The following CDC42SE2 variants were observed in gnomAD, a reference collection of about 807,000 sequenced individuals.
CDC42SE2 encodes the protein CDC42 small effector protein 2.
In CDC42SE2, 3 loss-of-function variants were observed where a neutral mutation model predicts 11.5. That is an observed-to-expected ratio of 0.26 (90% confidence interval 0.12 to 0.67). The LOEUF (loss-of-function observed/expected upper bound fraction) is 0.67, where lower values mean the gene tolerates loss of function less well. Among genes scored for constraint, CDC42SE2 ranks in the 30% least tolerant of loss-of-function variants. The pLI is 0.80. For synonymous variants in CDC42SE2, 33 were observed against 34.8 expected (o/e 0.95, Z 0.18); for missense variants, 82 against 106.8 (o/e 0.77, Z 1.02).
At chr5:131,286,373 T>G (rs1757339842) in intron 1 of CDC42SE2, among the ~76,000 whole-genome samples, 1 of 146,882 alleles carries the variant, frequency 6.8e-6, no homozygotes, top group Admixed American at 6.9e-5. Flanking sequence ...CATGAGCAAA[T>G]GCACCTGGCC....
Position 131,359,531 on chromosome 5 carries a change from C to T in CDC42SE2, c.38C>T (p.Ala13Val). 3.7e-6 allele frequency: 6 copies of T among 1,612,606 alleles called. No individual in the cohort carries two copies. The highest frequency in any genetic ancestry group is 5.1e-6 in the Non-Finnish European group (6 of 1,178,682). The change falls in exon 3 of 5, where the codon GCA (alanine) becomes GTA (valine). Residue 13 changes from alanine (A) to valine (V), a missense_variant. Ala to Val is a moderately conservative substitution (Grantham distance 64, BLOSUM62 0). Coordinates refer to ENST00000505065, the MANE Select transcript of CDC42SE2 (RefSeq NM_001375635.1). ...EFWLCFNCCI[A>V]EQPQPKRRRR... ...TGGTTGTGTTTCAACTGCTGTATTG[C>T]AGAACAGCCTCAGCCTGTAAGTATG...
At chr5:131,266,530 G>T (rs1756870229) in intron 1 of CDC42SE2, among the ~76,000 whole-genome samples, 1 of 150,672 alleles carries the variant, frequency 6.6e-6, no homozygotes, top group Non-Finnish European at 1.5e-5. Context: ...TGTGATCTCG[G>T]CTTACTGCAA....
intron 4 of CDC42SE2, among the ~76,000 whole-genome samples, chr5:131,389,167 ATCT>A (rs1750577584): frequency 6.6e-6 from 1 of 152,152 alleles, no homozygotes. Context: ...GGCCTAAAAT[ATCT>A]ATAAAAGCTA....
rs967971839 is a variant in CDC42SE2, at chr5:131,297,516, G to A, written c.-454-18460G>A. On this transcript the variant is annotated intron_variant, in intron 1 of 4. Coordinates refer to ENST00000505065, the MANE Select transcript of CDC42SE2 (RefSeq NM_001375635.1). ...GGGTGGATCACGAGGTCAGGAGATC[G>A]AGACCATCCTGGCTAACATGATGAA... Among the ~76,000 whole-genome samples the A allele has an allele frequency of 7.2e-5, 11 of 151,888 alleles. 1 individual carries two copies. The highest frequency in any genetic ancestry group is 1.9e-4 in the African/African-American group (8 of 41,340).
chr5:131,347,413 T>C (rs1758875390), intron 2 of CDC42SE2, among the ~76,000 whole-genome samples: 1 of 152,102 alleles, frequency 6.6e-6, no homozygotes, highest in African/African-American at 2.4e-5. Context: ...AATGGATAAA[T>C]TACTCGACAC....
chr5:131,230,828 C>T, the CDC42SE2 span, among the ~76,000 whole-genome samples: 3 of 152,150 alleles, frequency 2.0e-5, no homozygotes, highest in Non-Finnish European at 4.4e-5. Flanking sequence ...CCTATTGAGA[C>T]GTTAATATAG....
chr5:131,253,781 T>A (rs1437954671), intron 1 of CDC42SE2, among the ~76,000 whole-genome samples: 2 of 152,032 alleles, frequency 1.3e-5, no homozygotes, highest in Non-Finnish European at 2.9e-5. Flanking sequence ...AAAAAAAAAT[T>A]AAAAAAAGAA....
upstream of CDC42SE2, among the ~76,000 whole-genome samples, chr5:131,260,807 G>A (rs1386871355): frequency 6.6e-6 from 1 of 152,086 alleles, no homozygotes; most frequent in Non-Finnish European, 1.5e-5. Context: ...GGTGGCAGGT[G>A]CCTGTAATCC....
chr5:131,352,398 T>A (rs1749368683), intron 2 of CDC42SE2, among the ~76,000 whole-genome samples: 1 of 152,114 alleles, frequency 6.6e-6, no homozygotes, highest in Non-Finnish European at 1.5e-5. Flanking sequence ...CATAGGTAAA[T>A]CTTAAAAACA....
intron 2 of CDC42SE2, among the ~76,000 whole-genome samples, chr5:131,329,613 T>TC: frequency 6.6e-6 from 1 of 152,088 alleles, no homozygotes; most frequent in East Asian, 1.9e-4. Flanking sequence ...GCGCGGTAGC[T>TC]CACACCTGTA....
chr5:131,287,896 AT>A (rs201219098), intron 1 of CDC42SE2, among the ~76,000 whole-genome samples: 45 of 151,758 alleles, frequency 3.0e-4, no homozygotes, highest in East Asian at 2.9e-3. Flanking sequence ...TTAATATGTA[AT>A]TTTTTTTCTT....
chr5:131,354,658 T>C (rs1207860059), intron 2 of CDC42SE2: 1 of 152,160 alleles, frequency 6.6e-6, no homozygotes, highest in East Asian at 1.9e-4. Context: ...TAGATAGATT[T>C]TAGGCTGTTT....
chr5:131,355,541 C>T (rs934922440), intron 2 of CDC42SE2, among the ~76,000 whole-genome samples: 1 of 152,030 alleles, frequency 6.6e-6, no homozygotes, highest in African/African-American at 2.4e-5. Flanking sequence ...AGGGAGGGAA[C>T]AGAGTGATAG....
At chr5:131,300,559 C>A (rs545793863) in intron 1 of CDC42SE2, among the ~76,000 whole-genome samples, 1 of 151,868 alleles carries the variant, frequency 6.6e-6, no homozygotes, top group South Asian at 2.1e-4. Context: ...CCGAGGCGGG[C>A]GGATCATGAG....
chr5:131,281,037 T>G (rs1757228115), intron 1 of CDC42SE2, among the ~76,000 whole-genome samples: 1 of 152,218 alleles, frequency 6.6e-6, no homozygotes, highest in South Asian at 2.1e-4. Flanking sequence ...AGTTCCAAAT[T>G]TGTCAAGTGG....
intron 1 of CDC42SE2, among the ~76,000 whole-genome samples, chr5:131,254,359 T>C (rs919229625): frequency 6.6e-6 from 1 of 152,078 alleles, no homozygotes; most frequent in Non-Finnish European, 1.5e-5. Context: ...CTGGCCAACA[T>C]GGCGAAACTC....
intron 2 of CDC42SE2, among the ~76,000 whole-genome samples, chr5:131,345,344 C>G (rs1330473691): frequency 6.6e-6 from 1 of 152,044 alleles, no homozygotes; most frequent in Non-Finnish European, 1.5e-5. Context: ...GGCACAAGAA[C>G]TACGTGACTC....
intron 2 of CDC42SE2, among the ~76,000 whole-genome samples, chr5:131,344,694 A>G (rs889428680): frequency 2.6e-5 from 4 of 152,196 alleles, no homozygotes; most frequent in African/African-American, 9.7e-5. Context: ...AATGGACAGA[A>G]TGCCTCCTCA....
At chr5:131,341,792 G>A (rs543709814) in intron 2 of CDC42SE2, among the ~76,000 whole-genome samples, 22 of 152,120 alleles carry the variant, frequency 1.4e-4, no homozygotes, top group Middle Eastern at 3.4e-3. Context: ...AAGATAGGAC[G>A]GCTGAGGTAG....
Sources: allele counts gnomAD v4.1 joint callset (sites outside exome capture counted in the v4.1 genomes callset), GRCh38; gene constraint gnomAD v4.1.1; transcripts MANE v1.5; gene names NCBI Gene and HGNC (gene_info 2026-07-23, HGNC 2026-07-21).